ANKRD30B: variants seen among roughly 807,000 people sequenced by gnomAD.
ANKRD30B encodes the protein ankyrin repeat domain-containing protein 30B.
Under a neutral mutation model 202.2 loss-of-function variants are expected in ANKRD30B, and 144 were observed. The ratio of observed to expected loss-of-function variants is 0.71; its 90% CI spans 0.62 to 0.82. The LOEUF is 0.82. Ranked by LOEUF, ANKRD30B falls within the 40% of genes least tolerant of loss-of-function variation. The probability of loss-of-function intolerance (pLI) is 0.00; values close to 1 mark genes in which losing one functional copy is unlikely to be tolerated. For missense variants in ANKRD30B, 1,487 were observed against 1,669.1 expected (o/e 0.89, Z 1.90); for synonymous variants, 508 against 561.3 (o/e 0.91, Z 1.34).
At chr18:14,750,510 G>C (rs957445795) in intron 1 of ANKRD30B, among the ~76,000 whole-genome samples, 2 of 152,164 alleles carry the variant, frequency 1.3e-5, no homozygotes, top group Non-Finnish European at 2.9e-5. Flanking sequence ...AGTTGCAGAT[G>C]AGTTTTCAAA....
At chr18:14,922,613 C>A in the ANKRD30B span, among the ~76,000 whole-genome samples, 2 of 150,052 alleles carry the variant, frequency 1.3e-5, no homozygotes, top group Non-Finnish European at 3.0e-5. Context: ...CAAGATCGCG[C>A]CACCGCACTC....
At position 14,795,129 on chromosome 18, in the gene ANKRD30B, A is replaced by G. The variant is rs1463520219; in HGVS notation, c.1826-1092A>G. 2.6e-5 allele frequency among the ~76,000 whole-genome samples: 4 copies of G among 152,250 alleles called. No individual in the cohort carries two copies. The South Asian group carries it at 8.3e-4, about 31-fold the overall frequency. On this transcript the variant is annotated intron_variant, in intron 16 of 43. Transcript: ENST00000690538. Reference sequence around the variant, plus strand: ...CAATAACCATTACTCTAACATTGAAATATGCAGGTTAATGATATGTAAAAA... The same window carrying G: ...CAATAACCATTACTCTAACATTGAAGTATGCAGGTTAATGATATGTAAAAA...
chr18:14,868,194 A>G, the ANKRD30B span, among the ~76,000 whole-genome samples: 2 of 152,306 alleles, frequency 1.3e-5, no homozygotes, highest in African/African-American at 2.4e-5. Flanking sequence ...TCTAGGGGCC[A>G]GGAAGGGGGA....
rs550160412 is a variant in ANKRD30B, at chr18:14,854,435, G to A, written c.*277G>A. 5.9e-5 allele frequency among the ~76,000 whole-genome samples: 9 copies of A among 152,282 alleles called. No individual in the cohort carries two copies. In the South Asian group the frequency reaches 1.7e-3, roughly 28 times the overall value. ...GGGGGTAGAATCCCATGCATGAGAA[G>A]GGGACAGGTCCTTTCTTCACAAGAC... On this transcript the variant is annotated 3_prime_UTR_variant, in exon 44 of 44. Coordinates refer to ENST00000690538, the MANE Select transcript of ANKRD30B (RefSeq NM_001367607.2).
At chr18:14,834,016 C>T (rs959411354) in intron 34 of ANKRD30B, among the ~76,000 whole-genome samples, 36 of 152,224 alleles carry the variant, frequency 2.4e-4, no homozygotes, top group African/African-American at 7.2e-4. Context: ...CATTGCCCCC[C>T]GCATGATTTA....
the ANKRD30B span, among the ~76,000 whole-genome samples, chr18:14,870,754 C>A: frequency 6.6e-6 from 1 of 152,124 alleles, no homozygotes; most frequent in East Asian, 1.9e-4. Flanking sequence ...GAAAGACCTC[C>A]CTGATTGATC....
At chr18:14,852,692 T>G (rs1326439672) in intron 42 of ANKRD30B, 1 of 240,622 alleles carries the variant, frequency 4.2e-6, no homozygotes, top group Admixed American at 5.5e-5. Flanking sequence ...CTTATACTGC[T>G]GAAATAAAGG....
At chr18:14,795,654 G>T (rs149679576) in intron 16 of ANKRD30B, among the ~76,000 whole-genome samples, 1 of 152,148 alleles carries the variant, frequency 6.6e-6, no homozygotes, top group Admixed American at 6.6e-5. Context: ...TCTATAAGTA[G>T]ATATTTATGC....
the ANKRD30B span, among the ~76,000 whole-genome samples, chr18:14,883,070 TAGG>T: frequency 6.6e-6 from 1 of 151,988 alleles, no homozygotes; most frequent in Admixed American, 6.6e-5. Flanking sequence ...CGGAGGCATC[TAGG>T]AAAACCTAGG....
At chr18:14,828,383 G>A (rs1333275813) in intron 33 of ANKRD30B, 75 bp downstream of exon 33, 1 of 1,045,474 alleles carries the variant, frequency 9.6e-7, no homozygotes, top group South Asian at 1.5e-5. Context: ...TATCTGCTGA[G>A]TATTCTACTC....
chr18:14,829,366 C>G (rs1970805523), intron 33 of ANKRD30B, among the ~76,000 whole-genome samples: 2 of 152,094 alleles, frequency 1.3e-5, no homozygotes, highest in African/African-American at 4.8e-5. Flanking sequence ...GCCCATTACT[C>G]TTGTTTTTAT....
chr18:14,864,960 T>A, the ANKRD30B span, among the ~76,000 whole-genome samples: 2 of 151,850 alleles, frequency 1.3e-5, no homozygotes, highest in South Asian at 2.1e-4. Context: ...CCTTCCCCGC[T>A]TCCCGCTCAC....
the ANKRD30B span, among the ~76,000 whole-genome samples, chr18:14,872,729 G>A: frequency 6.6e-6 from 1 of 152,128 alleles, no homozygotes; most frequent in Non-Finnish European, 1.5e-5. Flanking sequence ...ATCTGAGCCA[G>A]CTGAGCCCTG....
the ANKRD30B span, among the ~76,000 whole-genome samples, chr18:14,936,732 C>G: frequency 6.6e-6 from 1 of 152,168 alleles, no homozygotes. Context: ...TCCTGAAAGC[C>G]TACTGCTCTA....
chr18:14,902,490 G>A, the ANKRD30B span, among the ~76,000 whole-genome samples: 1 of 152,164 alleles, frequency 6.6e-6, no homozygotes, highest in Admixed American at 6.5e-5. Flanking sequence ...AATTTAAAAA[G>A]TGCTTACATG....
intron 33 of ANKRD30B, among the ~76,000 whole-genome samples, chr18:14,831,181 G>GAAAAAAAAAAAAAAA (rs71305894): frequency 3.8e-5 from 2 of 52,352 alleles, no homozygotes; most frequent in Non-Finnish European, 3.4e-5. Flanking sequence ...CTCCGTCTCG[G>GAAAAAAAAAAAAAAA]AAAAAAAAAA....
chr18:14,940,175 G>A, the ANKRD30B span, among the ~76,000 whole-genome samples: 1 of 152,182 alleles, frequency 6.6e-6, no homozygotes, highest in Non-Finnish European at 1.5e-5. Flanking sequence ...CCCACAGTGG[G>A]TCCCAAATCC....
At chr18:14,876,289 C>A in the ANKRD30B span, among the ~76,000 whole-genome samples, 3 of 152,162 alleles carry the variant, frequency 2.0e-5, no homozygotes, top group Admixed American at 6.5e-5. Context: ...TTCTCTCCTG[C>A]AAGGGCAAAA....
chr18:14,923,672 T>A, the ANKRD30B span, among the ~76,000 whole-genome samples: 6 of 152,102 alleles, frequency 3.9e-5, no homozygotes, highest in Non-Finnish European at 5.9e-5. Context: ...GGTACCCAAG[T>A]AGGGTTAAAA....
Sources: allele counts gnomAD v4.1 joint callset (sites outside exome capture counted in the v4.1 genomes callset), GRCh38; gene constraint gnomAD v4.1.1; transcripts MANE v1.5; gene names NCBI Gene and HGNC (gene_info 2026-07-23, HGNC 2026-07-21).